The following TMC2 variants were observed in gnomAD, a reference collection of about 807,000 sequenced individuals.
The protein encoded by TMC2 is transmembrane channel-like protein 2.
A neutral mutation model predicts 105.9 loss-of-function variants in TMC2; 102 were observed. The ratio of observed to expected loss-of-function variants is 0.96; its 90% confidence interval spans 0.82 to 1.14. TMC2 has a LOEUF of 1.14. Among genes scored for constraint, TMC2 ranks in the 50% most tolerant of loss-of-function variants. TMC2 has a pLI of 0.00. For missense variants in TMC2, 1,093 were observed against 1,134.3 expected, an observed-to-expected ratio of 0.96 and a Z score of 0.52; for synonymous variants, 402 against 422.8, an observed-to-expected ratio of 0.95 and a Z score of 0.60.
Position 2,592,464 on chromosome 20 carries a change from T to G in TMC2, c.933+56T>G, listed in dbSNP as rs1285442133. The G allele has an allele frequency of 8.5e-6, 10 of 1,179,712 alleles. No individual in the cohort carries two copies. Among genetic ancestry groups the G allele is most frequent in the Non-Finnish European group, 7.7e-6 (6 of 784,046 alleles). The allele number at this position is 1,179,712 out of a possible 1,614,324, so 73.1% of individuals were successfully genotyped here. On this transcript the variant is annotated intron_variant, in intron 8 of 19. Transcript: ENST00000358864. This position sits in a 1 kb window ranked among gnomAD's most constrained non-coding sequence, Gnocchi z 4.9. ...ATTTGTGATTATAAAGGCTAAAGAT[T>G]GCATGGATAAGTATGAAATAGTGCG...
chr20:2,594,285 G>A (rs375213073), intron 8 of TMC2, among the ~76,000 whole-genome samples: 3 of 146,078 alleles, frequency 2.1e-5, no homozygotes, highest in Admixed American at 1.4e-4. Flanking sequence ...TGGAGTGCAC[G>A]GGCATGATCT....
intron 7 of TMC2, among the ~76,000 whole-genome samples, chr20:2,590,974 C>T (rs996520504): frequency 6.6e-6 from 1 of 151,928 alleles, no homozygotes; most frequent in African/African-American, 2.4e-5. Flanking sequence ...TAAAGAATTA[C>T]TGGACAAAAA....
At chr20:2,563,167 C>T (rs1048942414) in intron 4 of TMC2, among the ~76,000 whole-genome samples, 48 of 152,236 alleles carry the variant, frequency 3.2e-4, no homozygotes, top group African/African-American at 1.1e-3. Flanking sequence ...CGTTCAAACT[C>T]CTCACCCTTT....
At chr20:2,631,961 C>CTTT (rs2086607011) in intron 17 of TMC2, among the ~76,000 whole-genome samples, 1 of 151,428 alleles carries the variant, frequency 6.6e-6, no homozygotes, top group African/African-American at 2.4e-5. Flanking sequence ...TTACCTCATT[C>CTTT]TTTTTTCTTT....
chr20:2,641,203 A>T lies in TMC2; in HGVS notation c.2573A>T (p.Asn858Ile). 2 of 1,614,130 alleles carry T rather than the reference A, an allele frequency of 1.2e-6. No homozygotes were observed. Among genetic ancestry groups the T allele is most frequent in the African/African-American group, 1.3e-5 (1 of 75,014 alleles). Residue 858 changes from asparagine to isoleucine, a missense_variant, in exon 20 of 20, where the codon AAT becomes ATT. Coordinates refer to ENST00000358864, the MANE Select transcript of TMC2 (RefSeq NM_080751.3). ...AAGGCGCAGGGCCCTGGGACCTCCAATTCTGCCAGCAGGACCACACTGCCT... is the reference window on the plus strand; with the variant it reads ...AAGGCGCAGGGCCCTGGGACCTCCATTTCTGCCAGCAGGACCACACTGCCT... The part of the protein sequence containing the change: ...DKKAQGPGTS[N>I]SASRTTLPAS...
At chr20:2,601,578 T>C (rs973676179) in intron 10 of TMC2, among the ~76,000 whole-genome samples, 2 of 152,124 alleles carry the variant, frequency 1.3e-5, no homozygotes, top group Non-Finnish European at 2.9e-5. Context: ...CAGTGGCTCA[T>C]GCCTGTAATC....
At chr20:2,584,570 T>C (rs80355498) in intron 7 of TMC2, among the ~76,000 whole-genome samples, 10,704 of 152,084 alleles carry the variant, frequency 0.07, 1,242 homozygotes, top group African/African-American at 0.24. Context: ...ATTACCTACG[T>C]AACCCTCACT....
chr20:2,578,532 C>T (rs2086163705), intron 5 of TMC2, among the ~76,000 whole-genome samples: 1 of 152,194 alleles, frequency 6.6e-6, no homozygotes, highest in African/African-American at 2.4e-5. Context: ...GATCAGGTTT[C>T]TGTTTGGTAC....
At chr20:2,630,210 T>C (rs1034121476) in intron 17 of TMC2, among the ~76,000 whole-genome samples, 1 of 152,196 alleles carries the variant, frequency 6.6e-6, no homozygotes, top group African/African-American at 2.4e-5. Context: ...GTCGATTGCA[T>C]TGGATAGAAC....
chr20:2,575,433 T>C (rs983029304), intron 5 of TMC2, among the ~76,000 whole-genome samples: 4 of 118,640 alleles, frequency 3.4e-5, no homozygotes, highest in African/African-American at 1.1e-4. Flanking sequence ...TCACTAGTTA[T>C]GAATGTTACC....
chr20:2,636,910 C>A (rs935321159), intron 18 of TMC2, among the ~76,000 whole-genome samples: 6 of 152,142 alleles, frequency 3.9e-5, no homozygotes, highest in Non-Finnish European at 8.8e-5. Flanking sequence ...CGTGCCCAGC[C>A]CCTTCTTCTG....
At chr20:2,573,065 C>CCAGCCT (rs751076241) in intron 5 of TMC2, among the ~76,000 whole-genome samples, 2 of 151,946 alleles carry the variant, frequency 1.3e-5, no homozygotes, top group Non-Finnish European at 2.9e-5. Context: ...AAGAGATCCT[C>CCAGCCT]CAGCCTCAGC....
At chr20:2,608,090 C>T (rs1415681143) in intron 11 of TMC2, among the ~76,000 whole-genome samples, 1 of 149,772 alleles carries the variant, frequency 6.7e-6, no homozygotes, top group African/African-American at 2.5e-5. Context: ...CGCCATTGCA[C>T]TCCAGCCTGG....
intron 2 of TMC2, among the ~76,000 whole-genome samples, chr20:2,541,959 C>T (rs572779455): frequency 5.3e-5 from 8 of 152,150 alleles, no homozygotes; most frequent in East Asian, 3.9e-4. Context: ...TTTTGCTTAA[C>T]GGTCTTTGTG....
intron 17 of TMC2, among the ~76,000 whole-genome samples, chr20:2,633,363 G>T (rs913386676): frequency 1.3e-5 from 2 of 152,174 alleles, no homozygotes; most frequent in Non-Finnish European, 2.9e-5. Context: ...TACACATCAT[G>T]CACACAGTTC....
chr20:2,619,708 T>C (rs2086511153), intron 16 of TMC2, among the ~76,000 whole-genome samples: 1 of 152,136 alleles, frequency 6.6e-6, no homozygotes, highest in Non-Finnish European at 1.5e-5. Flanking sequence ...GCAGATGGCC[T>C]AAGATTTAGC....
At chr20:2,553,131 AC>A (rs2085966666) in intron 2 of TMC2, among the ~76,000 whole-genome samples, 1 of 152,192 alleles carries the variant, frequency 6.6e-6, no homozygotes, top group Non-Finnish European at 1.5e-5. Flanking sequence ...GACTTCCAAC[AC>A]AGTGCTGAAC....
chr20:2,602,448 G>A, intron 11 of TMC2, 147 bp downstream of exon 11: 1 of 618,328 alleles, frequency 1.6e-6, no homozygotes, highest in Non-Finnish European at 2.6e-6. Flanking sequence ...CAAATAGCAT[G>A]AATATCCTGA....
intron 4 of TMC2, among the ~76,000 whole-genome samples, chr20:2,562,427 G>T (rs2086033942): frequency 6.6e-6 from 1 of 152,192 alleles, no homozygotes; most frequent in Non-Finnish European, 1.5e-5. Context: ...ACACACTCTC[G>T]CTTGCGTGAT....
Sources: allele counts gnomAD v4.1 joint callset (sites outside exome capture counted in the v4.1 genomes callset), GRCh38; gene constraint gnomAD v4.1.1; non-coding constraint Gnocchi (gnomAD v3.1); transcripts MANE v1.5; gene names NCBI Gene and HGNC (gene_info 2026-07-23, HGNC 2026-07-21).